The following SLC6A17 variants were observed in gnomAD, a reference collection of about 807,000 sequenced individuals.
The protein encoded by SLC6A17 is solute carrier family 6 member 17, also known as sodium-dependent neutral amino acid transporter SLC6A17.
A neutral mutation model predicts 64.5 loss-of-function variants in SLC6A17; 21 were observed. That is an observed-to-expected ratio of 0.33 (90% CI 0.23 to 0.47). SLC6A17 has a LOEUF of 0.47. Ranked by LOEUF, SLC6A17 falls within the 20% of genes least tolerant of loss-of-function variation. SLC6A17 has a pLI of 1.00. For synonymous variants in SLC6A17, 372 were observed against 399.5 expected, an observed-to-expected ratio of 0.93 and a Z score of 0.82; for missense variants, 682 against 963.2, an observed-to-expected ratio of 0.71 and a Z score of 3.86.
intron 6 of SLC6A17, among the ~76,000 whole-genome samples, chr1:110,178,339 G>A (rs1005624775): frequency 1.3e-5 from 2 of 152,158 alleles, no homozygotes; most frequent in Non-Finnish European, 2.9e-5. Flanking sequence ...CAGATTCACA[G>A]GAGCAGCTGC....
intron 3 of SLC6A17, among the ~76,000 whole-genome samples, chr1:110,173,262 T>A (rs1360065597): frequency 6.6e-6 from 1 of 152,192 alleles, no homozygotes; most frequent in Non-Finnish European, 1.5e-5. Flanking sequence ...CAAGCGGCCC[T>A]CAGCTCTCAC....
chr1:110,159,713 G>A (rs559345987), intron 1 of SLC6A17, among the ~76,000 whole-genome samples: 5 of 152,306 alleles, frequency 3.3e-5, no homozygotes, highest in African/African-American at 1.2e-4. Flanking sequence ...ACAAAGGGAT[G>A]GCCAGGCTTC....
intron 6 of SLC6A17, among the ~76,000 whole-genome samples, chr1:110,184,642 G>A (rs1438356996): frequency 6.6e-6 from 1 of 152,174 alleles, no homozygotes; most frequent in Non-Finnish European, 1.5e-5. Context: ...GGACTCTGTG[G>A]GTTCCCAACT....
At chr1:110,180,108 C>T (rs1557836536) in intron 6 of SLC6A17, among the ~76,000 whole-genome samples, 2 of 152,216 alleles carry the variant, frequency 1.3e-5, no homozygotes, top group East Asian at 3.9e-4. Context: ...TAAAAATCAA[C>T]ATAAAAATAA....
chr1:110,181,648 G>A (rs1570993871), intron 6 of SLC6A17, among the ~76,000 whole-genome samples: 1 of 152,258 alleles, frequency 6.6e-6, no homozygotes. Context: ...GGCATTCGGT[G>A]AGAAGAGTTG....
intron 6 of SLC6A17, chr1:110,177,780 G>C (rs1311740226): frequency 6.6e-6 from 1 of 152,290 alleles, no homozygotes; most frequent in Non-Finnish European, 1.5e-5. Context: ...AACAGTTCAT[G>C]CAGGATGACA....
intron 1 of SLC6A17, among the ~76,000 whole-genome samples, chr1:110,153,540 TG>T (rs1482206522): frequency 6.6e-6 from 1 of 151,860 alleles, no homozygotes; most frequent in African/African-American, 2.4e-5. Context: ...TGTGTGTGTG[TG>T]TGTGTGTGTG....
At chr1:110,173,900 G>A in intron 3 of SLC6A17, 73 bp from the exon 4 acceptor site, 11 of 1,543,982 alleles carry the variant, frequency 7.1e-6, no homozygotes, top group South Asian at 5.1e-5. Context: ...GACGTGCTGG[G>A]CCTCGGGTGG....
chr1:110,161,701 C>T (rs1655912937), intron 1 of SLC6A17, among the ~76,000 whole-genome samples: 1 of 152,194 alleles, frequency 6.6e-6, no homozygotes, highest in African/African-American at 2.4e-5. Context: ...AGAAACACCC[C>T]AGGCCCAGGA....
chr1:110,153,112 A>G (rs1475612270), intron 1 of SLC6A17, among the ~76,000 whole-genome samples: 1 of 152,082 alleles, frequency 6.6e-6, no homozygotes, highest in Non-Finnish European at 1.5e-5. Context: ...GCCACCTGCA[A>G]CAGCTCTGGG....
chr1:110,164,588 C>T (rs549767919), intron 1 of SLC6A17, among the ~76,000 whole-genome samples: 1 of 152,342 alleles, frequency 6.6e-6, no homozygotes, highest in East Asian at 1.9e-4. Flanking sequence ...GACCTAATGG[C>T]ACAGGAGTTC....
chr1:110,194,790 C>T lies in SLC6A17; in HGVS notation c.1492+19C>T. On this transcript the variant is annotated intron_variant, in intron 9 of 11. Transcript: ENST00000331565. ...TTCACAGGTAACTCCTCCCTGCCCC[C>T]ATGCCCAGGCTCTGCAGGCTGCCCT... The T allele has an allele frequency of 6.2e-7, 1 of 1,609,716 alleles. No homozygotes were observed. The highest frequency in any genetic ancestry group is 1.1e-5 in the South Asian group (1 of 91,066).
chr1:110,190,628 C>T (rs994470869), intron 6 of SLC6A17, among the ~76,000 whole-genome samples: 1 of 152,166 alleles, frequency 6.6e-6, no homozygotes, highest in Admixed American at 6.5e-5. Flanking sequence ...TGAGGACTTA[C>T]CCACAGGTAC....
intron 1 of SLC6A17, among the ~76,000 whole-genome samples, chr1:110,154,989 G>A (rs764579682): frequency 9.9e-5 from 15 of 152,024 alleles, no homozygotes; most frequent in Admixed American, 9.2e-4. Flanking sequence ...ACGTGTCCGT[G>A]GCCGTTCTGG....
At chr1:110,155,005 A>G (rs1272866347) in intron 1 of SLC6A17, among the ~76,000 whole-genome samples, 1 of 152,110 alleles carries the variant, frequency 6.6e-6, no homozygotes, top group Non-Finnish European at 1.5e-5. Flanking sequence ...TCTGGGAAAC[A>G]TGGCACCTGA....
At chr1:110,189,144 C>T (rs557090966) in intron 6 of SLC6A17, among the ~76,000 whole-genome samples, 381 of 152,362 alleles carry the variant, frequency 2.5e-3, no homozygotes, top group Non-Finnish European at 1.9e-3. Context: ...ACACCTGCTA[C>T]TCAGAAAGTC....
chr1:110,192,646 A>G lies in SLC6A17; in HGVS notation c.1247A>G (p.Gln416Arg). 6.2e-7 allele frequency: 1 copy of G among 1,614,196 alleles called. No homozygotes were observed. The highest frequency in any genetic ancestry group is 1.7e-4 in the Middle Eastern group (1 of 6,060). The change falls in exon 8 of 12, where the codon CAG becomes CGG. Residue 416 changes from glutamine (Q) to arginine (R), a missense_variant. This residue lies in a region of SLC6A17 where 415 missense variants were observed against 603.8 expected (regional missense o/e 0.69). Transcript: ENST00000331565. The surrounding 1 kb of genome is among the most constrained non-coding windows in gnomAD (Gnocchi z 4.3). ...YNVIMTVKED[Q>R]FSALGLDPCL... is the part of the protein sequence containing the mutation. ...GTCATCATGACCGTGAAGGAGGACC[A>G]GTTCTCAGCCCTGGGCCTTGACCCC...
intron 1 of SLC6A17, among the ~76,000 whole-genome samples, chr1:110,156,096 G>A (rs867057113): frequency 6.6e-6 from 1 of 152,160 alleles, no homozygotes; most frequent in Non-Finnish European, 1.5e-5. Context: ...CCCGGTGGGC[G>A]CTGTCCATGG....
At chr1:110,197,049 C>T (rs1571005139) in intron 10 of SLC6A17, among the ~76,000 whole-genome samples, 1 of 152,316 alleles carries the variant, frequency 6.6e-6, no homozygotes, top group Non-Finnish European at 1.5e-5. Flanking sequence ...AGCTCTCTAC[C>T]TTTGGACTCT....
Sources: allele counts gnomAD v4.1 joint callset (sites outside exome capture counted in the v4.1 genomes callset), GRCh38; gene constraint gnomAD v4.1.1; regional missense constraint gnomAD v4.1.1; non-coding constraint Gnocchi (gnomAD v3.1); transcripts MANE v1.5; gene names NCBI Gene and HGNC (gene_info 2026-07-23, HGNC 2026-07-21).